Variants in WDR59 observed in about 807,000 individuals in gnomAD.
WDR59 encodes the protein GATOR2 complex protein WDR59.
Under a neutral mutation model 131.2 loss-of-function variants are expected in WDR59, and 100 were observed. That is an observed-to-expected ratio of 0.76 (90% CI 0.65 to 0.90). The LOEUF is 0.90. Among genes scored for constraint, WDR59 ranks in the 40% least tolerant of loss-of-function variants. The pLI is 0.00. For synonymous variants in WDR59, 601 were observed against 466.2 expected, an observed-to-expected ratio of 1.29 and a Z score of -3.72; for missense variants, 1,203 against 1,262.2, an observed-to-expected ratio of 0.95 and a Z score of 0.71.
intron 1 of WDR59, among the ~76,000 whole-genome samples, chr16:74,984,422 C>T (rs1216422338): frequency 6.6e-6 from 1 of 152,164 alleles, no homozygotes; most frequent in African/African-American, 2.4e-5. Flanking sequence ...GGGATTCGAA[C>T]TCGGGCAACA....
chr16:74,893,638 G>T, intron 19 of WDR59, 41 bp downstream of exon 19: 1 of 1,555,296 alleles, frequency 6.4e-7, no homozygotes, highest in South Asian at 1.2e-5. Context: ...GCTAATCCTG[G>T]CTAAATGATG....
intron 14 of WDR59, 109 bp downstream of exon 14, chr16:74,912,089 A>C: frequency 2.7e-6 from 4 of 1,473,324 alleles, no homozygotes; most frequent in Non-Finnish European, 3.8e-6. Context: ...TGTGTGTACG[A>C]AACAGATGAC....
intron 11 of WDR59, among the ~76,000 whole-genome samples, 183 bp downstream of exon 11, chr16:74,917,746 T>A (rs1311640562): frequency 6.9e-6 from 1 of 144,886 alleles, no homozygotes; most frequent in Non-Finnish European, 1.5e-5. Flanking sequence ...GAGGCAGAGG[T>A]TGCAGTGAGC....
chr16:74,883,781 G>T (rs112012765), intron 25 of WDR59, among the ~76,000 whole-genome samples: 2,287 of 152,142 alleles, frequency 0.015, 40 homozygotes, highest in African/African-American at 0.05. Context: ...TTCCTTCCCA[G>T]CCCCAGCTCC....
chr16:74,943,365 C>A (rs574999274), intron 6 of WDR59, among the ~76,000 whole-genome samples: 13 of 152,216 alleles, frequency 8.5e-5, no homozygotes, highest in Admixed American at 2.6e-4. Flanking sequence ...CCCCGCACCC[C>A]ACTCCCCATC....
intron 1 of WDR59, among the ~76,000 whole-genome samples, chr16:74,972,876 C>G (rs1284372678): frequency 8.1e-6 from 1 of 123,064 alleles, no homozygotes; most frequent in Admixed American, 8.3e-5. Flanking sequence ...AAGCCACAAA[C>G]TGAAAACCAC....
intron 2 of WDR59, among the ~76,000 whole-genome samples, chr16:74,965,266 C>CAA (rs1555504823): frequency 6.6e-6 from 1 of 151,678 alleles, no homozygotes; most frequent in Non-Finnish European, 1.5e-5. Context: ...CCTTAATTGC[C>CAA]AGTCTTAAAA....
chr16:74,975,059 T>C (rs2034131017), intron 1 of WDR59, among the ~76,000 whole-genome samples: 1 of 152,178 alleles, frequency 6.6e-6, no homozygotes, highest in Non-Finnish European at 1.5e-5. Context: ...ACTATCCTTG[T>C]TTTATGAATG....
At chr16:74,970,900 A>G (rs1379578663) in intron 1 of WDR59, among the ~76,000 whole-genome samples, 1 of 151,932 alleles carries the variant, frequency 6.6e-6, no homozygotes, top group Non-Finnish European at 1.5e-5. Flanking sequence ...AAAAAAAAAA[A>G]AATTAGCCAG....
chr16:74,984,611 G>T (rs913159713), intron 1 of WDR59: 2 of 313,438 alleles, frequency 6.4e-6, no homozygotes, highest in African/African-American at 2.1e-5. Context: ...GCCTTAAGTC[G>T]CCACACGCGG....
At chr16:74,918,576 C>T (rs1966502553) in intron 10 of WDR59, among the ~76,000 whole-genome samples, 1 of 152,170 alleles carries the variant, frequency 6.6e-6, no homozygotes, top group South Asian at 2.1e-4. Flanking sequence ...CCTTAATGTA[C>T]TTAATTGACT....
intron 18 of WDR59, among the ~76,000 whole-genome samples, chr16:74,899,035 G>A (rs561137493): frequency 1.2e-3 from 189 of 152,266 alleles, no homozygotes; most frequent in South Asian, 0.012. Flanking sequence ...CTTGCACAGC[G>A]TGAGGTCACC....
chr16:74,888,537 T>C (rs1037139992), intron 21 of WDR59, among the ~76,000 whole-genome samples: 1 of 152,214 alleles, frequency 6.6e-6, no homozygotes, highest in African/African-American at 2.4e-5. Flanking sequence ...ATCCACGTAC[T>C]ACAAATGATC....
At chr16:74,983,096 AT>A (rs2034489512) in intron 1 of WDR59, among the ~76,000 whole-genome samples, 1 of 152,182 alleles carries the variant, frequency 6.6e-6, no homozygotes, top group Non-Finnish European at 1.5e-5. Context: ...TAATCCCAAT[AT>A]TTTGGGAGGC....
At position 74,945,965 on chromosome 16, in the gene WDR59, G is replaced by A. The variant is rs548872048; in HGVS notation, c.445+2554C>T. 1.5e-3 allele frequency among the ~76,000 whole-genome samples: 228 copies of A among 151,996 alleles called. 2 individuals carry two copies. The highest frequency in any genetic ancestry group is 5.2e-3 in the African/African-American group (217 of 41,466). On this transcript the variant is annotated intron_variant, in intron 6 of 25. Transcript: ENST00000262144. ...CCCAAGAAGCTGAGATTACAGGCAT[G>A]CACCACCACGCCCGGCTAATTTTGT...
At chr16:74,899,234 T>C (rs1377199447) in intron 18 of WDR59, among the ~76,000 whole-genome samples, 3 of 152,168 alleles carry the variant, frequency 2.0e-5, no homozygotes, top group African/African-American at 7.2e-5. Context: ...CTAGCTTCCG[T>C]GTTATGCCAA....
intron 18 of WDR59, among the ~76,000 whole-genome samples, chr16:74,902,915 C>T (rs1364115379): frequency 6.7e-6 from 1 of 150,284 alleles, no homozygotes. Flanking sequence ...AGGAAAGTGT[C>T]CAGAAAAAAA....
intron 23 of WDR59, 91 bp from the exon 24 acceptor site, chr16:74,886,487 G>A (rs1597639615): frequency 1.4e-6 from 2 of 1,481,036 alleles, no homozygotes; most frequent in Non-Finnish European, 9.0e-7. Flanking sequence ...GTGGCCAATG[G>A]ATTTCCCAGA....
intron 18 of WDR59, among the ~76,000 whole-genome samples, chr16:74,895,166 A>G (rs900770746): frequency 2.6e-5 from 4 of 152,208 alleles, no homozygotes; most frequent in Admixed American, 2.0e-4. Flanking sequence ...CAGGGCAGGT[A>G]AATGAAGAAG....
Sources: allele counts gnomAD v4.1 joint callset (sites outside exome capture counted in the v4.1 genomes callset), GRCh38; gene constraint gnomAD v4.1.1; transcripts MANE v1.5; gene names NCBI Gene and HGNC (gene_info 2026-07-23, HGNC 2026-07-21).